The following SLC36A1 variants were observed in gnomAD, a reference collection of about 807,000 sequenced individuals.
The protein encoded by SLC36A1 is solute carrier family 36 member 1, also known as proton-coupled amino acid transporter 1.
Under a neutral mutation model 47.5 loss-of-function variants are expected in SLC36A1, and 30 were observed. The ratio of observed to expected loss-of-function variants is 0.63; its 90% CI spans 0.47 to 0.86. The LOEUF is 0.86. Ranked by LOEUF, SLC36A1 falls within the 40% of genes least tolerant of loss-of-function variation. SLC36A1 has a pLI of 0.00. For missense variants in SLC36A1, 517 were observed against 606.0 expected (o/e 0.85, Z 1.54); for synonymous variants, 255 against 249.7 (o/e 1.02, Z -0.20).
At chr5:151,416,518 A>G in the SLC36A1 span, among the ~76,000 whole-genome samples, 1 of 152,240 alleles carries the variant, frequency 6.6e-6, no homozygotes. Context: ...TAAATTGACA[A>G]TGATTTATTT....
chr5:151,349,517 C>T, the SLC36A1 span, among the ~76,000 whole-genome samples: 2 of 152,154 alleles, frequency 1.3e-5, no homozygotes, highest in Non-Finnish European at 2.9e-5. Flanking sequence ...CCCCTTCAAA[C>T]TCCAGTGTCC....
At position 151,488,548 on chromosome 5, in the gene SLC36A1, C is replaced by T. The variant is rs1363061880; in HGVS notation, c.*294C>T. The stretch of plus-strand genomic sequence containing the variant: ...CATGCCTCCTCCTTCCTACCTGCCT[C>T]CCCTCTGCTGGTGCACCTCGCCCAA... On this transcript the variant is annotated 3_prime_UTR_variant, in exon 11 of 11. Coordinates refer to ENST00000243389, the MANE Select transcript of SLC36A1 (RefSeq NM_078483.4). 1 of 437,182 alleles carries T rather than the reference C, an allele frequency of 2.3e-6. No individual in the cohort carries two copies. Among genetic ancestry groups the T allele is most frequent in the East Asian group, 4.2e-5 (1 of 23,800 alleles). 27.1% of individuals were successfully genotyped at this position (437,182 alleles called of 1,614,324 possible).
chr5:151,438,943 T>C (rs1759943516), intron 1 of SLC36A1, among the ~76,000 whole-genome samples: 1 of 152,214 alleles, frequency 6.6e-6, no homozygotes, highest in Admixed American at 6.5e-5. Flanking sequence ...TGGGTATTAG[T>C]TCGTTCTAAC....
chr5:151,526,014 C>A, the SLC36A1 span: 1 of 1,578,190 alleles, frequency 6.3e-7, no homozygotes, highest in South Asian at 1.1e-5. Flanking sequence ...GAGTCCCGGT[C>A]CTTCCTTTCG....
the SLC36A1 span, among the ~76,000 whole-genome samples, chr5:151,546,665 T>C: frequency 6.7e-6 from 1 of 149,250 alleles, no homozygotes; most frequent in African/African-American, 2.6e-5. Context: ...CAGTGATGCC[T>C]TTTGTAGGAA....
chr5:151,533,650 T>G, the SLC36A1 span, among the ~76,000 whole-genome samples: 1 of 152,168 alleles, frequency 6.6e-6, no homozygotes, highest in Non-Finnish European at 1.5e-5. Context: ...GCTATTCTGA[T>G]GCTGAGAGCA....
the SLC36A1 span, chr5:151,549,310 A>G: frequency 6.2e-7 from 1 of 1,613,114 alleles, no homozygotes; most frequent in Admixed American, 1.7e-5. Context: ...AGGAGGGAGT[A>G]GTGGACCTCA....
chr5:151,398,055 C>A, the SLC36A1 span, among the ~76,000 whole-genome samples: 1 of 152,074 alleles, frequency 6.6e-6, no homozygotes. Flanking sequence ...GAGGTTGAGG[C>A]TATAGTAAGC....
the SLC36A1 span, chr5:151,380,378 G>A: frequency 2.7e-6 from 1 of 367,976 alleles, no homozygotes; most frequent in Non-Finnish European, 5.5e-6. Context: ...GCGAGGACCA[G>A]AGTGAGCAGG....
intron 7 of SLC36A1, among the ~76,000 whole-genome samples, chr5:151,468,749 G>T (rs556587241): frequency 6.7e-4 from 102 of 151,822 alleles, no homozygotes; most frequent in Non-Finnish European, 1.1e-3. Context: ...TCAATTAGAT[G>T]GTTAATTCAT....
intron 10 of SLC36A1, among the ~76,000 whole-genome samples, chr5:151,481,294 C>T (rs1367435561): frequency 6.6e-6 from 1 of 152,216 alleles, no homozygotes; most frequent in Non-Finnish European, 1.5e-5. Flanking sequence ...CATTGTCATC[C>T]TGTTCAAAAA....
chr5:151,389,999 T>C, the SLC36A1 span, among the ~76,000 whole-genome samples: 1 of 152,244 alleles, frequency 6.6e-6, no homozygotes, highest in South Asian at 2.1e-4. Flanking sequence ...TCTTCCACAA[T>C]GGTTGAACTA....
At chr5:151,505,697 C>A in the SLC36A1 span, 1 of 1,614,024 alleles carries the variant, frequency 6.2e-7, no homozygotes, top group South Asian at 1.1e-5. Context: ...CATAAGAGGG[C>A]CCAGCTCGGC....
At chr5:151,493,023 TG>T (rs1420400685), downstream of SLC36A1, among the ~76,000 whole-genome samples, 1 of 152,204 alleles carries the variant, frequency 6.6e-6, no homozygotes. Flanking sequence ...TGTGTGTGTG[TG>T]TGTATATATA....
At chr5:151,366,401 C>T in the SLC36A1 span, 5 of 183,244 alleles carry the variant, frequency 2.7e-5, no homozygotes, top group Non-Finnish European at 3.6e-5. Flanking sequence ...TTTCAAGGTG[C>T]CAGTGGAGTT....
the SLC36A1 span, among the ~76,000 whole-genome samples, chr5:151,550,143 G>T: frequency 2.6e-5 from 4 of 152,144 alleles, no homozygotes; most frequent in African/African-American, 9.7e-5. Flanking sequence ...ATTTAAAGAG[G>T]CTCTGACTCT....
At chr5:151,544,316 TG>T in the SLC36A1 span, 1 of 1,614,130 alleles carries the variant, frequency 6.2e-7, no homozygotes, top group Non-Finnish European at 8.5e-7. Flanking sequence ...TGGGAAAAAG[TG>T]GGAGGGTTAT....
chr5:151,437,757 A>G (rs369214023), intron 1 of SLC36A1, among the ~76,000 whole-genome samples: 87 of 152,320 alleles, frequency 5.7e-4, no homozygotes, highest in African/African-American at 2.0e-3. Flanking sequence ...TGTTGCTGCT[A>G]TAACAAATTA....
the SLC36A1 span, chr5:151,543,319 G>A: frequency 2.3e-5 from 37 of 1,614,016 alleles, no homozygotes; most frequent in Admixed American, 8.3e-5. Flanking sequence ...CTGGATAACC[G>A]GAGAGTCTTT....
Sources: allele counts gnomAD v4.1 joint callset (sites outside exome capture counted in the v4.1 genomes callset), GRCh38; gene constraint gnomAD v4.1.1; transcripts MANE v1.5; gene names NCBI Gene and HGNC (gene_info 2026-07-23, HGNC 2026-07-21).